ARHGAP26: variants seen among roughly 807,000 people sequenced by gnomAD.
ARHGAP26 encodes the protein Rho GTPase activating protein 26, also known as rho GTPase-activating protein 26.
A neutral mutation model predicts 104.8 loss-of-function variants in ARHGAP26; 38 were observed. The ratio of observed to expected loss-of-function variants is 0.36; its 90% confidence interval spans 0.28 to 0.48. ARHGAP26 has a LOEUF of 0.48. Among genes scored for constraint, ARHGAP26 ranks in the 20% least tolerant of loss-of-function variants. The pLI, the probability that ARHGAP26 is intolerant of heterozygous loss-of-function variation, is 0.99. For synonymous variants in ARHGAP26, 341 were observed against 340.0 expected, an observed-to-expected ratio of 1.00 and a Z score of -0.03; for missense variants, 704 against 947.9, an observed-to-expected ratio of 0.74 and a Z score of 3.38.
At chr5:142,783,730 A>ACCC (rs1757981358) in intron 1 of ARHGAP26, among the ~76,000 whole-genome samples, 1 of 152,208 alleles carries the variant, frequency 6.6e-6, no homozygotes, top group African/African-American at 2.4e-5. Context: ...GCAGGGCTGG[A>ACCC]TGACTGGGCA....
chr5:142,979,318 A>G (rs1773589072), intron 11 of ARHGAP26, among the ~76,000 whole-genome samples: 1 of 152,174 alleles, frequency 6.6e-6, no homozygotes, highest in African/African-American at 2.4e-5. Flanking sequence ...TCATCCCCCA[A>G]GTCTACTGAA....
intron 17 of ARHGAP26, among the ~76,000 whole-genome samples, chr5:143,106,119 A>G (rs887392763): frequency 3.3e-5 from 5 of 152,110 alleles, no homozygotes; most frequent in Admixed American, 1.3e-4. Flanking sequence ...CTTAATGATT[A>G]CTTAGCTCTT....
intron 8 of ARHGAP26, among the ~76,000 whole-genome samples, chr5:142,906,684 G>A (rs560835179): frequency 6.6e-6 from 1 of 152,286 alleles, no homozygotes; most frequent in South Asian, 2.1e-4. Context: ...TTCAATTACT[G>A]GAATTTTTTC....
intron 11 of ARHGAP26, among the ~76,000 whole-genome samples, chr5:142,989,295 C>G (rs1390969868): frequency 6.6e-6 from 1 of 152,142 alleles, no homozygotes; most frequent in African/African-American, 2.4e-5. Context: ...TCTGTTTTAT[C>G]AGAGACTAGG....
At chr5:142,944,268 T>C (rs1042069100) in intron 11 of ARHGAP26, among the ~76,000 whole-genome samples, 18 of 152,176 alleles carry the variant, frequency 1.2e-4, no homozygotes, top group Admixed American at 1.2e-3. Context: ...TAGTAATAGA[T>C]TATTAGGCCT....
At chr5:143,159,758 C>G (rs1344677054) in intron 20 of ARHGAP26, among the ~76,000 whole-genome samples, 2 of 152,134 alleles carry the variant, frequency 1.3e-5, no homozygotes, top group African/African-American at 4.8e-5. Flanking sequence ...GATATAGACA[C>G]AGGATTTATA....
At position 142,963,190 on chromosome 5, in the gene ARHGAP26, A is replaced by G. The variant is rs867249887; in HGVS notation, c.1107+31065A>G. On this transcript the variant is annotated intron_variant, in intron 11 of 22. Coordinates refer to ENST00000645722, the MANE Select transcript of ARHGAP26 (RefSeq NM_001135608.3). ...TATATATGTATATATATATATATATATATATATATGTGTGTGTGTGTGTGT... is the reference window on the plus strand; with the variant it reads ...TATATATGTATATATATATATATATGTATATATATGTGTGTGTGTGTGTGT... 4.3e-3 allele frequency among the ~76,000 whole-genome samples: 428 copies of G among 100,478 alleles called. 12 individuals are homozygous for G. The highest frequency in any genetic ancestry group is 0.038 in the South Asian group (109 of 2,870). 65.9% of individuals were successfully genotyped at this position (100,478 alleles called of 152,430 possible). A position where few individuals can be genotyped will look rare whatever the true frequency, so the allele number is the denominator to read the frequency against.
intron 19 of ARHGAP26, 147 bp downstream of exon 19, chr5:143,134,252 C>T (rs1797680940): frequency 2.1e-6 from 2 of 936,078 alleles, no homozygotes; most frequent in Non-Finnish European, 3.0e-6. Context: ...CTCCCAAGTG[C>T]CTTTGCTGAG....
intron 11 of ARHGAP26, among the ~76,000 whole-genome samples, chr5:142,945,664 A>T (rs1266389674): frequency 6.6e-6 from 1 of 152,136 alleles, no homozygotes; most frequent in Non-Finnish European, 1.5e-5. Flanking sequence ...AGTTTTTTTT[A>T]AACTTTTTAT....
chr5:143,203,192 C>A (rs1031485861), intron 20 of ARHGAP26: 3 of 152,022 alleles, frequency 2.0e-5, no homozygotes, highest in Non-Finnish European at 4.4e-5. Context: ...GGGCTAATAT[C>A]CAGAATCTAC....
chr5:142,770,827 C>A lies in ARHGAP26; in HGVS notation c.66C>A (p.Leu22=). 1 of 1,610,442 alleles carries A rather than the reference C, an allele frequency of 6.2e-7. No homozygotes were observed. Among genetic ancestry groups the A allele is most frequent in the Non-Finnish European group, 8.5e-7 (1 of 1,178,270 alleles). Residue 22 remains leucine (L), a synonymous_variant, in exon 1 of 23, where the codon CTC becomes CTA. Transcript: ENST00000645722. The part of the protein sequence containing the change: ...CLDSPHFRET[L]KSHEAELDKT... ...ATAGTCCGCACTTCCGAGAGACGCT[C>A]AAGTCGCACGAAGCAGAGCTGGACA...
At chr5:142,905,256 TG>T (rs759410897) in intron 8 of ARHGAP26, among the ~76,000 whole-genome samples, 22 of 151,986 alleles carry the variant, frequency 1.4e-4, no homozygotes, top group Admixed American at 7.9e-4. Flanking sequence ...AAATCAATGT[TG>T]TTTTTTTGCA....
At chr5:142,809,548 G>A (rs1763669708) in intron 1 of ARHGAP26, among the ~76,000 whole-genome samples, 1 of 152,174 alleles carries the variant, frequency 6.6e-6, no homozygotes, top group Non-Finnish European at 1.5e-5. Flanking sequence ...TGGTTCAGGG[G>A]CCAAAAGTCC....
intron 14 of ARHGAP26, among the ~76,000 whole-genome samples, chr5:143,052,038 C>T (rs1785112706): frequency 6.6e-6 from 1 of 152,172 alleles, no homozygotes. Context: ...AAAAGCCATT[C>T]AGGGAGTGCA....
chr5:142,854,473 A>T (rs1399451339), intron 1 of ARHGAP26, among the ~76,000 whole-genome samples: 1 of 152,212 alleles, frequency 6.6e-6, no homozygotes, highest in Admixed American at 6.5e-5. Flanking sequence ...CTTATTCTCC[A>T]TGCCTCCCAC....
Position 143,167,482 on chromosome 5 carries a change from C to CAAAAAAAAAAAAAAAAAAAAAAA in ARHGAP26, c.1988+20115_1988+20137dup, listed in dbSNP as rs6149274. ...TGCATGACAGAGCAAGACTCCATCTCAAAAAAAAAAAAAAAAAAAAAAAAA... is the reference window on the plus strand; with the variant it reads ...TGCATGACAGAGCAAGACTCCATCTCAAAAAAAAAAAAAAAAAAAAAAAAAAAAAAAAAAAAAAAAAAAAAAAA... On this transcript the variant is annotated intron_variant, in intron 20 of 22. Transcript: ENST00000645722. 6.7e-5 allele frequency among the ~76,000 whole-genome samples: 4 copies of CAAAAAAAAAAAAAAAAAAAAAAA among 60,086 alleles called. 1 individual carries two copies. The highest frequency in any genetic ancestry group is 5.1e-4 in the Admixed American group (2 of 3,902). The allele number at this position is 60,086 out of a possible 152,430, so 39.4% of individuals were successfully genotyped here. A position where few individuals can be genotyped will look rare whatever the true frequency, so the allele number is the denominator to read the frequency against.
chr5:143,032,766 T>G (rs1350670356), intron 12 of ARHGAP26, among the ~76,000 whole-genome samples: 1 of 152,218 alleles, frequency 6.6e-6, no homozygotes, highest in African/African-American at 2.4e-5. Context: ...CCGTTGTTAA[T>G]TATTAGTAAT....
At chr5:142,996,289 G>GA (rs1432232238) in intron 11 of ARHGAP26, among the ~76,000 whole-genome samples, 2 of 152,148 alleles carry the variant, frequency 1.3e-5, no homozygotes, top group Non-Finnish European at 2.9e-5. Context: ...TCAGAAGTTT[G>GA]AGACCAGCCT....
chr5:142,844,611 T>G (rs1182149277), intron 1 of ARHGAP26, among the ~76,000 whole-genome samples: 1 of 151,808 alleles, frequency 6.6e-6, no homozygotes, highest in Non-Finnish European at 1.5e-5. Flanking sequence ...ACGTCTGTAA[T>G]CCCAGCAGTT....
Sources: gnomAD v4.1 joint callset for allele counts (sites outside exome capture counted in the v4.1 genomes callset) on GRCh38, gnomAD v4.1.1 for gene constraint, MANE v1.5 for transcripts, NCBI Gene and HGNC (gene_info 2026-07-23, HGNC 2026-07-21) for gene names.